The following CREBBP variants were observed in gnomAD, a reference collection of about 807,000 sequenced individuals.
CREBBP encodes CREB binding lysine acetyltransferase.
CREBBP carries 19 observed loss-of-function variants against 265.0 expected under a neutral mutation model. The ratio of observed to expected loss-of-function variants is 0.07; its 90% CI spans 0.05 to 0.11. CREBBP has a LOEUF of 0.11. Ranked by LOEUF, CREBBP falls within the 10% of genes least tolerant of loss-of-function variation. The pLI, the probability that CREBBP is intolerant of heterozygous loss-of-function variation, is 1.00. For synonymous variants in CREBBP, 1,457 were observed against 1,223.7 expected, an observed-to-expected ratio of 1.19 and a Z score of -3.98; for missense variants, 2,525 against 3,219.0, an observed-to-expected ratio of 0.78 and a Z score of 5.22.
At chr16:3,847,955 G>T (rs962924789) in intron 2 of CREBBP, among the ~76,000 whole-genome samples, 2 of 152,094 alleles carry the variant, frequency 1.3e-5, no homozygotes, top group Non-Finnish European at 2.9e-5. Context: ...GCTCGCTTGA[G>T]GTCAGGAGTT....
intron 1 of CREBBP, among the ~76,000 whole-genome samples, chr16:3,874,234 CCTGCTAAGCT>C (rs959249700): frequency 2.0e-5 from 3 of 152,172 alleles, no homozygotes; most frequent in African/African-American, 7.2e-5. Context: ...GAGAGAGGGC[CCTGCTAAGCT>C]CTGAAGTGCT....
At chr16:3,829,589 G>C (rs1332416495) in intron 2 of CREBBP, among the ~76,000 whole-genome samples, 1 of 152,154 alleles carries the variant, frequency 6.6e-6, no homozygotes, top group Non-Finnish European at 1.5e-5. Flanking sequence ...GAATTAAACT[G>C]AGACCCCAAG....
chr16:3,757,495 C>A, intron 18 of CREBBP, 119 bp from the exon 19 acceptor site: 1 of 1,007,586 alleles, frequency 9.9e-7, no homozygotes, highest in East Asian at 2.6e-5. Flanking sequence ...AGACAGTTTT[C>A]TAACAATTTT....
chr16:3,843,665 C>T (rs991214876), intron 2 of CREBBP, among the ~76,000 whole-genome samples: 2 of 151,912 alleles, frequency 1.3e-5, no homozygotes, highest in Non-Finnish European at 2.9e-5. Context: ...AGCAATCCTC[C>T]CACCTCAGCC....
chr16:3,728,425 G>C lies in CREBBP; in HGVS notation c.6622C>G (p.Gln2208Glu), dbSNP rs2151302722. The stretch of plus-strand genomic sequence containing the variant: ...TGCTGCTGCTGCTGTTGCTGCTGTT[G>C]TTGCTGCTGCTGTTGCTGCTGCTGC... The part of the protein sequence containing the change: ...LQQQQQQQQQ[Q>E]QQQQQQQQGS... Residue 2208 changes from glutamine to glutamate, a missense_variant, in exon 31 of 31, where the codon CAA becomes GAA. By Grantham distance (29) the Gln-to-Glu change is conservative. Coordinates refer to ENST00000262367, the MANE Select transcript of CREBBP (RefSeq NM_004380.3). The surrounding 1 kb of genome is among the most constrained non-coding windows in gnomAD (Gnocchi z 8.7). 5 of 1,612,586 alleles carry C rather than the reference G, an allele frequency of 3.1e-6. No individual in the cohort carries two copies. The highest frequency in any genetic ancestry group is 4.2e-6 in the Non-Finnish European group (5 of 1,179,198).
rs1415038657 is a variant in CREBBP, at chr16:3,726,346, C to G, written c.*1372G>C. 1 of 233,136 alleles carries G rather than the reference C, an allele frequency of 4.3e-6. No individual in the cohort carries two copies. Among genetic ancestry groups the G allele is most frequent in the African/African-American group, 2.2e-5 (1 of 45,310 alleles). 14.4% of individuals were successfully genotyped at this position (233,136 alleles called of 1,614,324 possible). On this transcript the variant is annotated 3_prime_UTR_variant, in exon 31 of 31. Coordinates refer to ENST00000262367, the MANE Select transcript of CREBBP (RefSeq NM_004380.3). ...TGGGCCAAATGCAGTTTCAGACCAA[C>G]TGACGACCCTAACTGTGTGAGCGAC...
At chr16:3,763,912 T>C (rs1192430230) in intron 16 of CREBBP, among the ~76,000 whole-genome samples, 1 of 147,970 alleles carries the variant, frequency 6.8e-6, no homozygotes, top group Non-Finnish European at 1.5e-5. Context: ...TGGCATAATC[T>C]CGGCTCACTG....
intron 12 of CREBBP, 142 bp downstream of exon 12, chr16:3,774,427 G>A (rs1567302522): frequency 1.8e-6 from 2 of 1,085,494 alleles, no homozygotes; most frequent in African/African-American, 1.6e-5. Flanking sequence ...TTTTTAAAAT[G>A]AGAGATGAAA....
intron 1 of CREBBP, among the ~76,000 whole-genome samples, chr16:3,868,864 C>G (rs182274449): frequency 6.6e-6 from 1 of 152,300 alleles, no homozygotes; most frequent in Admixed American, 6.5e-5. Context: ...GTGCCCCACA[C>G]GTAAAATGTG....
At chr16:3,758,746 C>A in intron 17 of CREBBP, 108 bp downstream of exon 17, 1 of 895,540 alleles carries the variant, frequency 1.1e-6, no homozygotes, top group Non-Finnish European at 1.9e-6. Flanking sequence ...ATTAGGAGAA[C>A]AATCTTCAAG....
intron 16 of CREBBP, among the ~76,000 whole-genome samples, chr16:3,760,984 C>A (rs984429101): frequency 2.0e-5 from 3 of 151,898 alleles, no homozygotes; most frequent in Admixed American, 2.0e-4. Flanking sequence ...GACGGAGTTT[C>A]ACTCTTGTTG....
At chr16:3,772,435 G>A (rs1251453794) in intron 13 of CREBBP, among the ~76,000 whole-genome samples, 2 of 151,776 alleles carry the variant, frequency 1.3e-5, no homozygotes, top group Non-Finnish European at 2.9e-5. Flanking sequence ...AGAATTATTT[G>A]TGAACATTTT....
chr16:3,762,347 G>C (rs895056261), intron 16 of CREBBP, among the ~76,000 whole-genome samples: 8 of 149,662 alleles, frequency 5.3e-5, no homozygotes, highest in South Asian at 2.1e-4. Context: ...GTGCTGAGGA[G>C]AGCATTTTCT....
chr16:3,814,251 G>A (rs985136843), intron 2 of CREBBP, among the ~76,000 whole-genome samples: 12 of 145,310 alleles, frequency 8.3e-5, no homozygotes, highest in Non-Finnish European at 1.3e-4. Context: ...GTGTGTGTGT[G>A]TGTGTGTGTG....
chr16:3,754,222 GTGGCTTCACTTTA>G (rs927725786), intron 19 of CREBBP, among the ~76,000 whole-genome samples: 1 of 152,172 alleles, frequency 6.6e-6, no homozygotes, highest in African/African-American at 2.4e-5. Flanking sequence ...AGAGGGGCCC[GTGGCTTCACTTTA>G]TTACTGTTCT....
chr16:3,825,407 A>C (rs2054218496), intron 2 of CREBBP, among the ~76,000 whole-genome samples: 1 of 152,248 alleles, frequency 6.6e-6, no homozygotes, highest in Non-Finnish European at 1.5e-5. Context: ...TTATCCAAAA[A>C]TATGTAATAA....
chr16:3,851,860 CAAAAAAA>C (rs1159688899), intron 1 of CREBBP, among the ~76,000 whole-genome samples: 4 of 28,964 alleles, frequency 1.4e-4, no homozygotes, highest in Admixed American at 8.2e-4. Context: ...GACTCCGTCT[CAAAAAAA>C]AAAAAAAAAA....
chr16:3,740,673 A>G, intron 23 of CREBBP, 124 bp from the exon 24 acceptor site: 1 of 1,118,608 alleles, frequency 8.9e-7, no homozygotes, highest in Non-Finnish European at 1.3e-6. Flanking sequence ...ATGTTCTCCA[A>G]ACACGGAAGA....
At chr16:3,861,175 G>A (rs755141751) in intron 1 of CREBBP, among the ~76,000 whole-genome samples, 8 of 152,070 alleles carry the variant, frequency 5.3e-5, no homozygotes, top group Admixed American at 3.3e-4. Context: ...CCAGCTACTC[G>A]GGAAGCTGAG....
Sources: gnomAD v4.1 joint callset for allele counts (sites outside exome capture counted in the v4.1 genomes callset) on GRCh38, gnomAD v4.1.1 for gene constraint, Gnocchi (gnomAD v3.1) non-coding constraint, MANE v1.5 for transcripts, NCBI Gene and HGNC (gene_info 2026-07-23, HGNC 2026-07-21) for gene names.